CNTN5: variants seen among roughly 807,000 people sequenced by gnomAD.
CNTN5 encodes contactin-5.
Under a neutral mutation model 129.1 loss-of-function variants are expected in CNTN5, and 77 were observed. The observed-to-expected ratio is 0.60, with a 90% CI of 0.50 to 0.72. The LOEUF (loss-of-function observed/expected upper bound fraction) is 0.72, where lower values mean the gene tolerates loss of function less well. Ranked by LOEUF, CNTN5 falls within the 30% of genes least tolerant of loss-of-function variation. CNTN5 has a pLI of 0.00. For missense variants in CNTN5, 1,478 were observed against 1,328.8 expected (o/e 1.11, Z -1.75); for synonymous variants, 509 against 465.6 (o/e 1.09, Z -1.20).
chr11:99,276,280 A>C (rs1226575127), intron 1 of CNTN5, among the ~76,000 whole-genome samples: 1 of 151,686 alleles, frequency 6.6e-6, no homozygotes, highest in Admixed American at 6.6e-5. Context: ...AAACATGCCC[A>C]GATTTTTAAA....
At chr11:99,572,167 G>C (rs187456708) in intron 3 of CNTN5, among the ~76,000 whole-genome samples, 1 of 152,098 alleles carries the variant, frequency 6.6e-6, no homozygotes, top group Non-Finnish European at 1.5e-5. Context: ...TGTAAAATAG[G>C]AATGTTCAAT....
rs148822784 is a variant in CNTN5 at position 100,224,122 on chromosome 11, T to C, written c.1885-570T>C. On this transcript the variant is annotated intron_variant, in intron 15 of 24. Coordinates refer to ENST00000524871, the MANE Select transcript of CNTN5 (RefSeq NM_014361.4). ...GATTAACAAAGATTCAGGCTGACCC[T>C]GATCCATGATGGTAGTGGTTATGGG... 3.6e-3 allele frequency among the ~76,000 whole-genome samples: 546 copies of C among 152,284 alleles called. 15 individuals are homozygous for C. Among genetic ancestry groups the C allele is most frequent in the Admixed American group, 0.03 (466 of 15,292 alleles).
At chr11:100,052,114 G>C (rs4753966) in intron 9 of CNTN5, among the ~76,000 whole-genome samples, 50,114 of 151,514 alleles carry the variant, frequency 0.33, 8,780 homozygotes, top group East Asian at 0.48. Flanking sequence ...TCACATGAAT[G>C]GGATAAAAGA....
chr11:100,217,047 T>C (rs908932396), intron 15 of CNTN5, among the ~76,000 whole-genome samples: 6 of 152,218 alleles, frequency 3.9e-5, no homozygotes, highest in Non-Finnish European at 8.8e-5. Context: ...TTAGGCTACA[T>C]AATTTATTTA....
intron 3 of CNTN5, among the ~76,000 whole-genome samples, chr11:99,566,617 C>G (rs1949014416): frequency 6.6e-6 from 1 of 152,192 alleles, no homozygotes; most frequent in African/African-American, 2.4e-5. Context: ...ATAGCAGTGG[C>G]CAGCTCATTA....
At chr11:99,032,996 T>G (rs1863479694) in intron 1 of CNTN5, among the ~76,000 whole-genome samples, 1 of 136,420 alleles carries the variant, frequency 7.3e-6, no homozygotes, top group Non-Finnish European at 1.5e-5. Context: ...GGCTAGCCAG[T>G]TTTCCCAGCA....
chr11:99,269,242 A>G (rs2135850589), intron 1 of CNTN5, among the ~76,000 whole-genome samples: 1 of 151,922 alleles, frequency 6.6e-6, no homozygotes, highest in South Asian at 2.1e-4. Flanking sequence ...TTTGTTTTTA[A>G]AATAGAAGGA....
At chr11:99,475,739 T>C (rs1265573858) in intron 2 of CNTN5, among the ~76,000 whole-genome samples, 1 of 152,136 alleles carries the variant, frequency 6.6e-6, no homozygotes, top group Admixed American at 6.6e-5. Context: ...AAGTTTCTAA[T>C]TCTAATAATT....
At chr11:100,126,466 AG>A (rs1442682085) in intron 13 of CNTN5, among the ~76,000 whole-genome samples, 1 of 152,064 alleles carries the variant, frequency 6.6e-6, no homozygotes, top group Non-Finnish European at 1.5e-5. Context: ...CTGGGTGCTC[AG>A]GTTCATATAT....
intron 3 of CNTN5, among the ~76,000 whole-genome samples, chr11:99,810,113 T>C (rs1189777096): frequency 1.3e-5 from 2 of 152,042 alleles, no homozygotes; most frequent in African/African-American, 4.8e-5. Context: ...CATGAAAAAA[T>C]ACAAAACAAG....
At chr11:99,828,783 T>C (rs1225544484) in intron 4 of CNTN5, among the ~76,000 whole-genome samples, 2 of 152,190 alleles carry the variant, frequency 1.3e-5, no homozygotes, top group East Asian at 3.8e-4. Context: ...ATCTTTATCT[T>C]CAGTGGTCAT....
chr11:99,522,561 A>G (rs1382787136), intron 2 of CNTN5, among the ~76,000 whole-genome samples: 1 of 152,202 alleles, frequency 6.6e-6, no homozygotes, highest in Non-Finnish European at 1.5e-5. Context: ...CTCTATAGAC[A>G]TTCACTAAAG....
At chr11:100,029,311 G>A (rs564903495) in intron 9 of CNTN5, among the ~76,000 whole-genome samples, 30 of 152,286 alleles carry the variant, frequency 2.0e-4, no homozygotes, top group Admixed American at 7.8e-4. Flanking sequence ...GGCCGGGCGC[G>A]GTGGCTCACG....
chr11:100,016,727 ATGTG>A, intron 9 of CNTN5, among the ~76,000 whole-genome samples: 1 of 151,774 alleles, frequency 6.6e-6, no homozygotes, highest in Non-Finnish European at 1.5e-5. Flanking sequence ...ATGTATGCAC[ATGTG>A]TGTGTGTGAG....
At chr11:99,211,562 G>A (rs959431626) in intron 1 of CNTN5, among the ~76,000 whole-genome samples, 4 of 150,944 alleles carry the variant, frequency 2.6e-5, no homozygotes, top group Admixed American at 2.0e-4. Flanking sequence ...TTCTGAAATA[G>A]CTTTTCTTAT....
intron 21 of CNTN5, among the ~76,000 whole-genome samples, chr11:100,322,875 A>G (rs1186328662): frequency 1.3e-5 from 2 of 152,212 alleles, no homozygotes; most frequent in Non-Finnish European, 2.9e-5. Context: ...TATAATATAC[A>G]GAAGAGTATA....
intron 13 of CNTN5, among the ~76,000 whole-genome samples, chr11:100,140,596 A>G (rs1356404303): frequency 6.6e-6 from 1 of 152,166 alleles, no homozygotes; most frequent in Non-Finnish European, 1.5e-5. Flanking sequence ...TTTAATTACT[A>G]GTAAAGGAAA....
Position 99,922,226 on chromosome 11 carries a change from C to A in CNTN5, c.673+6077C>A, listed in dbSNP as rs528699623. ...AGGGAACTGCCCTTTCTAAAGCCAC[C>A]AGATCTTGTGAGACTTATTCACCAT... On this transcript the variant is annotated intron_variant, in intron 7 of 24. Coordinates refer to ENST00000524871, the MANE Select transcript of CNTN5 (RefSeq NM_014361.4). Among the ~76,000 whole-genome samples, 707 of 152,236 alleles carry A rather than the reference C, an allele frequency of 4.6e-3. 4 individuals are homozygous for A. Among genetic ancestry groups the A allele is most frequent in the Non-Finnish European group, 7.6e-3 (520 of 68,022 alleles).
chr11:99,557,143 C>T (rs1346020462), intron 3 of CNTN5, among the ~76,000 whole-genome samples: 2 of 151,138 alleles, frequency 1.3e-5, no homozygotes, highest in African/African-American at 4.8e-5. Context: ...ATTTTAAACA[C>T]ATTTTTAATG....
Sources: allele counts gnomAD v4.1 joint callset (sites outside exome capture counted in the v4.1 genomes callset), GRCh38; gene constraint gnomAD v4.1.1; transcripts MANE v1.5; gene names NCBI Gene and HGNC (gene_info 2026-07-23, HGNC 2026-07-21).